Variants in CSMD1 observed in about 807,000 individuals in gnomAD.
CSMD1 encodes CUB and sushi domain-containing protein 1.
A neutral mutation model predicts 417.5 loss-of-function variants in CSMD1; 213 were observed. The observed-to-expected ratio is 0.51, with a 90% CI of 0.46 to 0.57. The LOEUF (loss-of-function observed/expected upper bound fraction) is 0.57, where lower values mean the gene tolerates loss of function less well. Ranked by LOEUF, CSMD1 falls within the 20% of genes least tolerant of loss-of-function variation. CSMD1 has a pLI of 0.00. For synonymous variants in CSMD1, 2,862 were observed against 1,736.8 expected (o/e 1.65, Z -16.11); for missense variants, 6,923 against 4,529.7 (o/e 1.53, Z -15.17).
intron 2 of CSMD1, among the ~76,000 whole-genome samples, chr8:4,557,722 T>C (rs772181231): frequency 3.9e-5 from 6 of 152,104 alleles, no homozygotes; most frequent in African/African-American, 7.2e-5. Flanking sequence ...AATAAATTTC[T>C]ATACAGCAAA....
chr8:4,774,832 G>A (rs924389296), intron 1 of CSMD1, among the ~76,000 whole-genome samples: 1 of 143,822 alleles, frequency 7.0e-6, no homozygotes, highest in Non-Finnish European at 1.5e-5. Context: ...TCCTCCTACT[G>A]GAGGCATGTG....
intron 26 of CSMD1, among the ~76,000 whole-genome samples, chr8:3,254,796 C>T (rs369236809): frequency 6.6e-6 from 1 of 152,078 alleles, no homozygotes; most frequent in African/African-American, 2.4e-5. Flanking sequence ...AGGTTTTTAA[C>T]TTCTTTGCCA....
chr8:3,672,574 A>G (rs1004376113), intron 7 of CSMD1, among the ~76,000 whole-genome samples: 1 of 152,230 alleles, frequency 6.6e-6, no homozygotes, highest in Non-Finnish European at 1.5e-5. Flanking sequence ...AAGCTCATGG[A>G]TTCCCAATAA....
chr8:4,484,957 G>A (rs1278391178), intron 2 of CSMD1, among the ~76,000 whole-genome samples: 3 of 93,180 alleles, frequency 3.2e-5, no homozygotes, highest in Admixed American at 1.8e-4. Flanking sequence ...CTCCAACCTG[G>A]TTGACAGAGT....
intron 51 of CSMD1, 112 bp from the exon 52 acceptor site, chr8:3,018,762 T>A: frequency 1.1e-6 from 1 of 929,582 alleles, no homozygotes; most frequent in Non-Finnish European, 1.6e-6. Flanking sequence ...TTTTTAGTCT[T>A]AATTTTCACT....
chr8:4,495,040 G>T lies in CSMD1; in HGVS notation c.303-74975C>A, dbSNP rs561095486. 2.6e-4 allele frequency among the ~76,000 whole-genome samples: 40 copies of T among 152,210 alleles called. 1 individual carries two copies. Among genetic ancestry groups the T allele is most frequent in the Admixed American group, 1.3e-3 (20 of 15,274 alleles). On this transcript the variant is annotated intron_variant, in intron 2 of 69. Transcript: ENST00000635120. The stretch of plus-strand genomic sequence containing the variant: ...AGCAACAAGAGATCACTTAGAACGT[G>T]GCAGAAAAGCACTAGGGACAGGGAG...
chr8:4,799,805 T>C (rs1274095307), intron 1 of CSMD1, among the ~76,000 whole-genome samples: 2 of 151,744 alleles, frequency 1.3e-5, no homozygotes, highest in African/African-American at 2.4e-5. Context: ...AAAGTGACAA[T>C]ATGCAAAGAG....
At chr8:2,980,141 T>C (rs1805279871) in intron 54 of CSMD1, among the ~76,000 whole-genome samples, 1 of 152,212 alleles carries the variant, frequency 6.6e-6, no homozygotes, top group African/African-American at 2.4e-5. Context: ...TTTGTGCTTA[T>C]GTTGCTCTTA....
Position 3,399,494 on chromosome 8 carries a change from C to T in CSMD1, c.2302G>A (p.Val768Ile), listed in dbSNP as rs1811908752. The stretch of plus-strand genomic sequence containing the variant: ...CCTGGCCATCCAGGAGGCAAAATGA[C>T]TCCGCTGGACGCTGTCAGATGTCCA... ...CGGHLTASSG[V>I]ILPPGWPGYY... The change falls in exon 16 of 70, where the codon GTC becomes ATC. Residue 768 changes from valine (V) to isoleucine (I), a missense_variant. By Grantham distance (29) the Val-to-Ile change is conservative (BLOSUM62 3). Transcript: ENST00000635120. 1 of 1,607,380 alleles carries T rather than the reference C, an allele frequency of 6.2e-7. No homozygotes were observed. The highest frequency in any genetic ancestry group is 8.5e-7 in the Non-Finnish European group (1 of 1,177,140).
Position 2,963,185 on chromosome 8 carries a change from C to T in CSMD1, c.9454+37G>A, listed in dbSNP as rs753433088. On this transcript the variant is annotated intron_variant, in intron 60 of 69. Transcript: ENST00000635120. The stretch of plus-strand genomic sequence containing the variant: ...CTGGTTATCCGTCCCTGTTGCAGAC[C>T]TGCAGTGGGCGGAACAAATTCTGCT... 5.6e-6 allele frequency: 9 copies of T among 1,607,562 alleles called. No homozygotes were observed. In the African/African-American group the frequency reaches 1.1e-4, roughly 19 times the overall value.
intron 1 of CSMD1, among the ~76,000 whole-genome samples, chr8:4,664,396 C>A (rs115703705): frequency 1.6e-4 from 25 of 152,140 alleles, no homozygotes; most frequent in African/African-American, 4.3e-4. Flanking sequence ...CCCATGTCTA[C>A]AGTAGAAACG....
chr8:4,211,415 C>G (rs1040269629), intron 3 of CSMD1, among the ~76,000 whole-genome samples: 9 of 152,128 alleles, frequency 5.9e-5, no homozygotes, highest in South Asian at 2.1e-4. Context: ...ATCAGCATCA[C>G]TGAATTTTGT....
chr8:3,953,621 G>A (rs898878309), intron 5 of CSMD1, among the ~76,000 whole-genome samples: 1 of 152,198 alleles, frequency 6.6e-6, no homozygotes, highest in African/African-American at 2.4e-5. Flanking sequence ...CGCATTTCAA[G>A]GTTTCTATGT....
At chr8:3,132,537 G>A (rs375762250) in intron 41 of CSMD1, among the ~76,000 whole-genome samples, 4 of 152,284 alleles carry the variant, frequency 2.6e-5, no homozygotes, top group East Asian at 3.9e-4. Flanking sequence ...GTTCTAGATA[G>A]TGTTGGGGCT....
chr8:3,258,076 T>G (rs184200117), intron 26 of CSMD1, among the ~76,000 whole-genome samples: 1 of 152,184 alleles, frequency 6.6e-6, no homozygotes. Context: ...CTCATAAATT[T>G]TATAGGTATG....
chr8:4,351,621 G>T (rs1801098090), intron 3 of CSMD1, among the ~76,000 whole-genome samples: 1 of 152,196 alleles, frequency 6.6e-6, no homozygotes, highest in African/African-American at 2.4e-5. Flanking sequence ...TTGTGGGAGT[G>T]AGAAAGGAGA....
At chr8:4,408,855 T>C (rs981425468) in intron 3 of CSMD1, among the ~76,000 whole-genome samples, 3 of 152,088 alleles carry the variant, frequency 2.0e-5, no homozygotes, top group African/African-American at 7.2e-5. Context: ...CTTTGAAAAA[T>C]ATACTTACGT....
chr8:4,866,536 C>CT (rs1180912943), intron 1 of CSMD1, among the ~76,000 whole-genome samples: 3 of 151,794 alleles, frequency 2.0e-5, no homozygotes, highest in Non-Finnish European at 4.4e-5. Context: ...GTGTTATTGG[C>CT]TTTTTTAACA....
chr8:4,409,939 A>T (rs927259556), intron 3 of CSMD1, among the ~76,000 whole-genome samples: 1 of 151,820 alleles, frequency 6.6e-6, no homozygotes, highest in African/African-American at 2.4e-5. Context: ...TCAGCTTCCC[A>T]AGTAGCTGGG....
Sources: gnomAD v4.1 joint callset for allele counts (sites outside exome capture counted in the v4.1 genomes callset) on GRCh38, gnomAD v4.1.1 for gene constraint, MANE v1.5 for transcripts, NCBI Gene and HGNC (gene_info 2026-07-23, HGNC 2026-07-21) for gene names.